ZNF746: variants seen among roughly 807,000 people sequenced by gnomAD.
ZNF746 encodes zinc finger protein 746, also known as parkin-interacting substrate.
In ZNF746, 13 loss-of-function variants were observed where a neutral mutation model predicts 41.0. The observed-to-expected ratio is 0.32, with a 90% CI of 0.21 to 0.50. The LOEUF (loss-of-function observed/expected upper bound fraction) is 0.50, where lower values mean the gene tolerates loss of function less well. ZNF746 is among the 20% of genes least tolerant of loss of function. The probability of loss-of-function intolerance (pLI) is 0.98; values close to 1 mark genes in which losing one functional copy is unlikely to be tolerated. For missense variants in ZNF746, 811 were observed against 922.9 expected (o/e 0.88, Z 1.57); for synonymous variants, 424 against 396.2 (o/e 1.07, Z -0.83).
At position 149,473,051 on chromosome 7, in the gene ZNF746, A is replaced by C. The variant is rs1050211774; in HGVS notation, c.*1333T>G. 6.6e-6 allele frequency: 1 copy of C among 152,134 alleles called. No individual in the cohort carries two copies. Among genetic ancestry groups the C allele is most frequent in the African/African-American group, 2.4e-5 (1 of 41,390 alleles). 9.4% of individuals were successfully genotyped at this position (152,134 alleles called of 1,614,324 possible). ...CAGGAATGGATATTTGTGTGGTAGGAACAGCACTGTGGTCGAATCAAGAAA... is the reference window on the plus strand; with the variant it reads ...CAGGAATGGATATTTGTGTGGTAGGCACAGCACTGTGGTCGAATCAAGAAA... On this transcript the variant is annotated 3_prime_UTR_variant, in exon 7 of 7. Transcript: ENST00000458143.
At position 149,474,350 on chromosome 7, in the gene ZNF746, G is replaced by T; in HGVS notation, c.*34C>A. On this transcript the variant is annotated 3_prime_UTR_variant, in exon 7 of 7. Coordinates refer to ENST00000458143, the MANE Select transcript of ZNF746 (RefSeq NM_001394198.1). The surrounding 1 kb of genome is among the most constrained non-coding windows in gnomAD (Gnocchi z 6.3). ...TGCCTGCACACGGGGCTTTTTACAC[G>T]TGCGGCCGGCAGGGGCTATGGGGCT... is the stretch of plus-strand genomic sequence containing the variant. 1 of 1,575,230 alleles carries T rather than the reference G, an allele frequency of 6.3e-7. No individual in the cohort carries two copies. The highest frequency in any genetic ancestry group is 1.2e-5 in the South Asian group (1 of 86,038).
At chr7:149,490,340 C>T (rs1800760719) in intron 4 of ZNF746, 1 of 152,248 alleles carries the variant, frequency 6.6e-6, no homozygotes, top group Admixed American at 6.5e-5. Flanking sequence ...ACTGAAGTCG[C>T]TGGTCATGAA....
Position 149,474,808 on chromosome 7 carries a change from G to GCGCTGCCCCCAC in ZNF746, c.1547_1558dup (p.Gly516_Ser519dup), listed in dbSNP as rs756100663. ...ACACCGAAGGGCGCTGCCATCCCGT[G>GCGCTGCCCCCAC]CGCTGCCCCCACCGCTGCCGCCACC... On this transcript the variant is annotated inframe_insertion, in exon 7 of 7. Transcript: ENST00000458143. This position sits in a 1 kb window ranked among gnomAD's most constrained non-coding sequence, Gnocchi z 6.3. The GCGCTGCCCCCAC allele has an allele frequency of 1.3e-6, 2 of 1,501,470 alleles. No homozygotes were observed. The highest frequency in any genetic ancestry group is 1.3e-5 in the South Asian group (1 of 79,586). 93.0% of individuals were successfully genotyped at this position (1,501,470 alleles called of 1,614,324 possible). A position where few individuals can be genotyped will look rare whatever the true frequency, so the allele number is the denominator to read the frequency against.
Position 149,477,741 on chromosome 7 carries a change from C to A in ZNF746, c.580G>T (p.Val194Phe). The A allele has an allele frequency of 6.2e-7, 1 of 1,605,966 alleles. No individual in the cohort carries two copies. ...VDPSPGSGPP[V>F]PAPDLLMQIK... is the part of the protein sequence containing the mutation. ...TGCATCAAGAGGTCTGGGGCGGGAA[C>A]TGGGGGCCCCGAGCCTAGGAAAGGG... The change falls in exon 5 of 7, where the codon GTT becomes TTT. Residue 194 changes from valine (V) to phenylalanine (F), a missense_variant. Coordinates refer to ENST00000458143, the MANE Select transcript of ZNF746 (RefSeq NM_001394198.1).
chr7:149,494,121 A>AC lies in ZNF746; in HGVS notation c.325-7dup. The AC allele has an allele frequency of 6.2e-7, 1 of 1,614,150 alleles. No individual in the cohort carries two copies. Among genetic ancestry groups the AC allele is most frequent in the Non-Finnish European group, 8.5e-7 (1 of 1,180,026 alleles). ...TCATCAAAGGTCACGGGCACCTGGA[A>AC]CCACAAGTGTCACACTCGCTCACCC... On this transcript the variant is annotated splice_region_variant and splice_polypyrimidine_tract_variant and intron_variant, in intron 2 of 6. Transcript: ENST00000458143. The surrounding 1 kb of genome is among the most constrained non-coding windows in gnomAD (Gnocchi z 5.6).
rs992178114 is a variant in ZNF746 at position 149,473,907 on chromosome 7, C to A, written c.*477G>T. The stretch of plus-strand genomic sequence containing the variant: ...CTGCCCAGGGGCTTGGTGCGCTAGG[C>A]CCACTCAGCCCAACTGGGCAGAGCA... On this transcript the variant is annotated 3_prime_UTR_variant, in exon 7 of 7. Transcript: ENST00000458143. The A allele has an allele frequency of 3.3e-5, 6 of 184,162 alleles. No homozygotes were observed. Among genetic ancestry groups the A allele is most frequent in the Non-Finnish European group, 6.9e-5 (6 of 86,612 alleles). The allele number at this position is 184,162 out of a possible 1,614,324, so 11.4% of individuals were successfully genotyped here.
intron 1 of ZNF746, among the ~76,000 whole-genome samples, chr7:149,495,320 G>A (rs1800960392): frequency 6.6e-6 from 1 of 152,156 alleles, no homozygotes; most frequent in South Asian, 2.1e-4. Context: ...GCTGTACCAG[G>A]AGCAGTGACA....
At chr7:149,486,580 T>C (rs997189515) in intron 4 of ZNF746, among the ~76,000 whole-genome samples, 3 of 152,096 alleles carry the variant, frequency 2.0e-5, no homozygotes, top group Admixed American at 6.5e-5. Flanking sequence ...CTCAAAAACA[T>C]AACGGCAAAT....
rs1188063590 is a variant in ZNF746 at position 149,474,824 on chromosome 7, TGCCGCCACCGCCGCC to T, written c.1528_1542del (p.Gly510_Gly514del). On this transcript the variant is annotated inframe_deletion, in exon 7 of 7. Transcript: ENST00000458143. This position sits in a 1 kb window ranked among gnomAD's most constrained non-coding sequence, Gnocchi z 6.3. ...CCATCCCGTGCGCTGCCCCCACCGCTGCCGCCACCGCCGCCGCCACTGCCGCTGCCGCCACCGCCT... is the reference window on the plus strand; with the variant it reads ...CCATCCCGTGCGCTGCCCCCACCGCTGCCACTGCCGCTGCCGCCACCGCCT... The T allele has an allele frequency of 1.4e-6, 2 of 1,431,200 alleles. No homozygotes were observed. Among genetic ancestry groups the T allele is most frequent in the East Asian group, 5.6e-5 (2 of 35,530 alleles). 88.7% of individuals were successfully genotyped at this position (1,431,200 alleles called of 1,614,324 possible).
chr7:149,496,718 A>G (rs1340270046), intron 1 of ZNF746: 2 of 644,228 alleles, frequency 3.1e-6, no homozygotes, highest in East Asian at 1.4e-4. Context: ...GCATCAGGCC[A>G]GGAGGGGTGG....
At chr7:149,477,992 A>G in intron 4 of ZNF746, 1 of 430,310 alleles carries the variant, frequency 2.3e-6, no homozygotes, top group Non-Finnish European at 4.1e-6. Flanking sequence ...GGAAGAATAC[A>G]CAAGCACATT....
rs745534520 is a variant in ZNF746, at chr7:149,474,822, G to A, written c.1545C>T (p.Ser515=). The change falls in exon 7 of 7, where the codon AGC becomes AGT. Residue 515 remains serine (S), a synonymous_variant. Transcript: ENST00000458143. The surrounding 1 kb of genome is among the most constrained non-coding windows in gnomAD (Gnocchi z 6.3). ...TGCCATCCCGTGCGCTGCCCCCACC[G>A]CTGCCGCCACCGCCGCCGCCACTGC... ...GSGSGGGGGG[S]GGGSARDGSA... The A allele has an allele frequency of 6.5e-5, 93 of 1,435,456 alleles. No individual in the cohort carries two copies. Among genetic ancestry groups the A allele is most frequent in the African/African-American group, 9.0e-5 (6 of 66,536 alleles). 88.9% of individuals were successfully genotyped at this position (1,435,456 alleles called of 1,614,324 possible).
intron 4 of ZNF746, chr7:149,489,190 G>C (rs1050634275): frequency 2.0e-5 from 3 of 151,572 alleles, no homozygotes; most frequent in Non-Finnish European, 4.4e-5. Flanking sequence ...GGAGGCCTGG[G>C]AGACCTAAAA....
rs1294892927 is a variant in ZNF746 at position 149,497,455 on chromosome 7, G to A, written c.24+58C>T. On this transcript the variant is annotated intron_variant, in intron 1 of 6. Coordinates refer to ENST00000458143, the MANE Select transcript of ZNF746 (RefSeq NM_001394198.1). This position sits in a 1 kb window ranked among gnomAD's most constrained non-coding sequence, Gnocchi z 4.2. ...CAGGGCCTGCGGCGCCGTGTGCCGGGGCCGGGCCGCCTGGGGCCCCCAGGC... is the reference window on the plus strand; with the variant it reads ...CAGGGCCTGCGGCGCCGTGTGCCGGAGCCGGGCCGCCTGGGGCCCCCAGGC... 4 of 1,072,886 alleles carry A rather than the reference G, an allele frequency of 3.7e-6. No individual in the cohort carries two copies. Among genetic ancestry groups the A allele is most frequent in the Non-Finnish European group, 4.5e-6 (4 of 890,392 alleles). The allele number at this position is 1,072,886 out of a possible 1,614,324, so 66.5% of individuals were successfully genotyped here.
At chr7:149,478,185 C>CA (rs1800377022) in intron 4 of ZNF746, among the ~76,000 whole-genome samples, 1 of 151,670 alleles carries the variant, frequency 6.6e-6, no homozygotes. Flanking sequence ...AGAGAACACA[C>CA]AGAGTCAATC....
In ZNF746 at chr7:149,474,172, C is replaced by T. The variant is rs761623859; in HGVS notation, c.*212G>A. ...TGCAATTAAATTACTTAAAATTCTA[C>T]GGCGCTCCCATTTCACAGAGAATTC... On this transcript the variant is annotated 3_prime_UTR_variant, in exon 7 of 7. Coordinates refer to ENST00000458143, the MANE Select transcript of ZNF746 (RefSeq NM_001394198.1). This position sits in a 1 kb window ranked among gnomAD's most constrained non-coding sequence, Gnocchi z 6.3. 8.1e-5 allele frequency: 45 copies of T among 554,472 alleles called. No individual in the cohort carries two copies. Among genetic ancestry groups the T allele is most frequent in the Non-Finnish European group, 1.2e-4 (39 of 319,788 alleles). 34.3% of individuals were successfully genotyped at this position (554,472 alleles called of 1,614,324 possible). A position where few individuals can be genotyped will look rare whatever the true frequency, so the allele number is the denominator to read the frequency against.
intron 4 of ZNF746, chr7:149,489,582 G>GT (rs1800736256): frequency 6.6e-6 from 1 of 152,398 alleles, no homozygotes; most frequent in South Asian, 2.1e-4. Context: ...AGGATTCCCA[G>GT]TAGAGGGCAC....
chr7:149,496,536 C>T (rs1801002799), intron 1 of ZNF746, among the ~76,000 whole-genome samples: 1 of 152,186 alleles, frequency 6.6e-6, no homozygotes, highest in African/African-American at 2.4e-5. Flanking sequence ...CAAACCAAAA[C>T]CATCTTCTCC....
intron 4 of ZNF746, 123 bp from the exon 5 acceptor site, chr7:149,477,878 T>C (rs2116644399): frequency 2.6e-6 from 2 of 776,494 alleles, no homozygotes; most frequent in East Asian, 5.8e-5. Flanking sequence ...AAGAGCCTGG[T>C]GGGAAGGGAG....
Sources: allele counts gnomAD v4.1 joint callset (sites outside exome capture counted in the v4.1 genomes callset), GRCh38; gene constraint gnomAD v4.1.1; non-coding constraint Gnocchi (gnomAD v3.1); transcripts MANE v1.5; gene names NCBI Gene and HGNC (gene_info 2026-07-23, HGNC 2026-07-21).